SLC8A1: variants seen among roughly 807,000 people sequenced by gnomAD.
SLC8A1 encodes sodium/calcium exchanger 1.
In SLC8A1, 18 loss-of-function variants were observed where a neutral mutation model predicts 68.3. The observed-to-expected ratio is 0.26, with a 90% confidence interval of 0.18 to 0.39. The LOEUF (loss-of-function observed/expected upper bound fraction) is 0.39. Ranked by LOEUF, SLC8A1 falls within the 10% of genes least tolerant of loss-of-function variation. The pLI, the probability that SLC8A1 is intolerant of heterozygous loss-of-function variation, is 1.00. For missense variants in SLC8A1, 985 were observed against 1,156.7 expected (o/e 0.85, Z 2.15); for synonymous variants, 475 against 415.5 (o/e 1.14, Z -1.74).
intron 2 of SLC8A1, among the ~76,000 whole-genome samples, chr2:40,241,175 A>G (rs1383547826): frequency 6.6e-6 from 1 of 152,230 alleles, no homozygotes; most frequent in Non-Finnish European, 1.5e-5. Flanking sequence ...GCCATAAAAA[A>G]GAACAAAATC....
At chr2:40,349,302 C>T (rs1227001552) in intron 2 of SLC8A1, among the ~76,000 whole-genome samples, 3 of 152,030 alleles carry the variant, frequency 2.0e-5, no homozygotes, top group African/African-American at 7.2e-5. Context: ...TTACAGTCGA[C>T]ACTTTGAATC....
At chr2:40,402,040 C>T (rs1202323362) in intron 2 of SLC8A1, among the ~76,000 whole-genome samples, 3 of 152,160 alleles carry the variant, frequency 2.0e-5, no homozygotes, top group Non-Finnish European at 4.4e-5. Flanking sequence ...CTGAGACCTA[C>T]AGAGCTGCAT....
chr2:40,098,843 A>G (rs1324671885), exon 8 of SLC8A1: 3 of 152,022 alleles, frequency 2.0e-5, no homozygotes, highest in African/African-American at 7.2e-5. Context: ...TTACAATCAC[A>G]TTCATAATAA....
At chr2:40,482,581 GA>G (rs1704700114) in intron 1 of SLC8A1, among the ~76,000 whole-genome samples, 1 of 151,952 alleles carries the variant, frequency 6.6e-6, no homozygotes, top group African/African-American at 2.4e-5. Flanking sequence ...ATGGGATGAA[GA>G]AACGAAGGAA....
At chr2:40,484,544 C>T (rs929539717) in intron 1 of SLC8A1, among the ~76,000 whole-genome samples, 3 of 152,210 alleles carry the variant, frequency 2.0e-5, no homozygotes, top group South Asian at 2.1e-4. Context: ...TTAGCACTCC[C>T]TGTTGCTATC....
At chr2:40,341,832 A>G (rs1423961189) in intron 2 of SLC8A1, among the ~76,000 whole-genome samples, 3 of 152,200 alleles carry the variant, frequency 2.0e-5, no homozygotes, top group Non-Finnish European at 2.9e-5. Flanking sequence ...ATTCCATTGC[A>G]TGGACCATCA....
chr2:40,379,385 T>C (rs1248781561), intron 2 of SLC8A1, among the ~76,000 whole-genome samples: 1 of 152,132 alleles, frequency 6.6e-6, no homozygotes, highest in South Asian at 2.1e-4. Context: ...CTTCAATTTT[T>C]CATATGATTT....
At chr2:40,381,764 T>C (rs532189533) in intron 2 of SLC8A1, among the ~76,000 whole-genome samples, 12 of 151,476 alleles carry the variant, frequency 7.9e-5, no homozygotes, top group African/African-American at 2.7e-4. Flanking sequence ...GCCTCCTAGA[T>C]AGTATCAAGG....
chr2:40,231,065 G>A (rs546798078), intron 2 of SLC8A1, among the ~76,000 whole-genome samples: 3 of 152,234 alleles, frequency 2.0e-5, no homozygotes, highest in Non-Finnish European at 4.4e-5. Context: ...TTCTCTGAAC[G>A]GGACTCATAG....
chr2:40,281,934 T>G (rs865925171), intron 2 of SLC8A1, among the ~76,000 whole-genome samples: 3 of 152,182 alleles, frequency 2.0e-5, no homozygotes, highest in Non-Finnish European at 2.9e-5. Flanking sequence ...GGATTTATCC[T>G]AATCTAATAC....
intron 2 of SLC8A1, among the ~76,000 whole-genome samples, chr2:40,311,083 C>A (rs2073580084): frequency 6.6e-6 from 1 of 152,046 alleles, no homozygotes; most frequent in Non-Finnish European, 1.5e-5. Context: ...GGTTCCTTTA[C>A]ATTTTAAGTA....
chr2:40,177,601 G>C, intron 3 of SLC8A1: 1 of 523,758 alleles, frequency 1.9e-6, no homozygotes, highest in Non-Finnish European at 3.4e-6. Flanking sequence ...TTGTGAATTA[G>C]GGAAGGGAAA....
At chr2:40,355,015 C>T (rs982080646) in intron 2 of SLC8A1, among the ~76,000 whole-genome samples, 1 of 152,224 alleles carries the variant, frequency 6.6e-6, no homozygotes, top group Admixed American at 6.5e-5. Flanking sequence ...TTAATAAGCA[C>T]TTTAAAAATT....
chr2:40,177,486 T>A (rs192483479), intron 3 of SLC8A1, among the ~76,000 whole-genome samples: 1 of 152,248 alleles, frequency 6.6e-6, no homozygotes, highest in Non-Finnish European at 1.5e-5. Flanking sequence ...CATTCTTTTA[T>A]GTAATCATTT....
In SLC8A1 at chr2:40,488,131, A is replaced by G. The variant is rs575562607; in HGVS notation, c.-25+24218T>C. Among the ~76,000 whole-genome samples the G allele has an allele frequency of 2.6e-5, 4 of 152,152 alleles. No individual in the cohort carries two copies. In the South Asian group the frequency reaches 8.3e-4, roughly 32 times the overall value. ...CTAAAAGGTGGATAGACAGAATACTAAAAGTCTTTGTCCATGTGTGAAATT... is the reference window on the plus strand; with the variant it reads ...CTAAAAGGTGGATAGACAGAATACTGAAAGTCTTTGTCCATGTGTGAAATT... On this transcript the variant is annotated intron_variant, in intron 1 of 7. Coordinates refer to the SLC8A1 transcript ENST00000402441.
intron 2 of SLC8A1, among the ~76,000 whole-genome samples, chr2:40,199,517 C>G (rs1260569227): frequency 6.6e-6 from 1 of 151,438 alleles, no homozygotes; most frequent in Admixed American, 6.6e-5. Flanking sequence ...ACAGATACTA[C>G]TCCAAAACAA....
chr2:40,229,735 C>G (rs2059417159), intron 2 of SLC8A1, among the ~76,000 whole-genome samples: 1 of 152,130 alleles, frequency 6.6e-6, no homozygotes, highest in Non-Finnish European at 1.5e-5. Context: ...CTGGAACTAG[C>G]CAGGCAAAAT....
chr2:40,295,230 G>T (rs1230578309), intron 2 of SLC8A1, among the ~76,000 whole-genome samples: 2 of 151,996 alleles, frequency 1.3e-5, no homozygotes, highest in Non-Finnish European at 2.9e-5. Flanking sequence ...CTCTGGAGTA[G>T]CTGGGACTAC....
intron 2 of SLC8A1, among the ~76,000 whole-genome samples, chr2:40,241,249 C>A (rs948630268): frequency 6.6e-6 from 1 of 152,096 alleles, no homozygotes; most frequent in Admixed American, 6.5e-5. Flanking sequence ...AACACAGCAA[C>A]AGAAAACCAA....
Sources: allele counts gnomAD v4.1 joint callset (sites outside exome capture counted in the v4.1 genomes callset), GRCh38; gene constraint gnomAD v4.1.1; transcripts MANE v1.5; gene names NCBI Gene and HGNC (gene_info 2026-07-23, HGNC 2026-07-21).